CHCHD3: variants seen among roughly 807,000 people sequenced by gnomAD.
CHCHD3 encodes coiled-coil-helix-coiled-coil-helix domain containing 3, also known as MICOS complex subunit MIC19.
In CHCHD3, 20 loss-of-function variants were observed where a neutral mutation model predicts 38.2. That is an observed-to-expected ratio of 0.52 (90% CI 0.37 to 0.76). The LOEUF (loss-of-function observed/expected upper bound fraction) is 0.76. Among genes scored for constraint, CHCHD3 ranks in the 30% least tolerant of loss-of-function variants. The pLI, the probability that CHCHD3 is intolerant of heterozygous loss-of-function variation, is 0.00. For missense variants in CHCHD3, 245 were observed against 279.2 expected (o/e 0.88, Z 0.87); for synonymous variants, 82 against 100.0 (o/e 0.82, Z 1.07).
intron 3 of CHCHD3, among the ~76,000 whole-genome samples, chr7:133,006,120 A>G (rs528037058): frequency 2.6e-5 from 4 of 152,306 alleles, no homozygotes; most frequent in African/African-American, 9.6e-5. Context: ...AAACTCCCAT[A>G]GTACTAACAC....
intron 3 of CHCHD3, among the ~76,000 whole-genome samples, chr7:132,986,445 TACA>T: frequency 7.9e-6 from 1 of 127,042 alleles, no homozygotes; most frequent in African/African-American, 2.9e-5. Context: ...AAAAAGAAAA[TACA>T]ACTTCTATAT....
intron 6 of CHCHD3, chr7:132,815,593 A>T (rs1406224006): frequency 2.2e-6 from 1 of 456,534 alleles, no homozygotes; most frequent in Non-Finnish European, 4.4e-6. Context: ...TAACAAAATA[A>T]AGAGTCCTGT....
At chr7:132,939,663 G>A (rs528855218) in intron 4 of CHCHD3, among the ~76,000 whole-genome samples, 1 of 152,270 alleles carries the variant, frequency 6.6e-6, no homozygotes, top group African/African-American at 2.4e-5. Flanking sequence ...TAAACATTAA[G>A]GAGTCCTTTG....
intron 6 of CHCHD3, among the ~76,000 whole-genome samples, chr7:132,831,542 G>A (rs2117084726): frequency 6.6e-6 from 1 of 152,258 alleles, no homozygotes; most frequent in Admixed American, 6.5e-5. Context: ...CTCAATAAGG[G>A]AGCTGGAGTC....
intron 3 of CHCHD3, among the ~76,000 whole-genome samples, chr7:132,984,273 C>T (rs1408674739): frequency 2.0e-5 from 3 of 151,688 alleles, no homozygotes; most frequent in Admixed American, 6.6e-5. Context: ...CTGTGTTGGC[C>T]GGGCTGGTCT....
chr7:133,058,501 C>T (rs909118848), intron 2 of CHCHD3, among the ~76,000 whole-genome samples: 5 of 152,196 alleles, frequency 3.3e-5, no homozygotes, highest in Middle Eastern at 6.8e-3. Context: ...ATTCAGAATC[C>T]GTAACCTAGC....
At chr7:132,972,517 A>C in intron 4 of CHCHD3, 6 of 877,458 alleles carry the variant, frequency 6.8e-6, no homozygotes, top group Non-Finnish European at 8.2e-6. Flanking sequence ...TTTATTTTCT[A>C]ATCTTGATCC....
intron 4 of CHCHD3, among the ~76,000 whole-genome samples, chr7:132,945,610 C>A (rs1478400420): frequency 2.6e-5 from 4 of 151,754 alleles, no homozygotes; most frequent in African/African-American, 9.7e-5. Flanking sequence ...TGAGAGTAAG[C>A]TGATAAGGTA....
At chr7:132,797,507 C>A (rs1304702339) in intron 6 of CHCHD3, among the ~76,000 whole-genome samples, 1 of 152,182 alleles carries the variant, frequency 6.6e-6, no homozygotes, top group African/African-American at 2.4e-5. Flanking sequence ...AATTTAGCAA[C>A]CTACATTTAC....
chr7:132,834,099 G>A (rs992603218), intron 6 of CHCHD3, among the ~76,000 whole-genome samples: 2 of 152,116 alleles, frequency 1.3e-5, no homozygotes, highest in Non-Finnish European at 2.9e-5. Context: ...ATACAGATAG[G>A]AGCCAGTGAA....
At chr7:132,888,923 T>C (rs1041015812) in intron 4 of CHCHD3, among the ~76,000 whole-genome samples, 2 of 151,936 alleles carry the variant, frequency 1.3e-5, no homozygotes, top group Non-Finnish European at 2.9e-5. Context: ...TATATGGACA[T>C]GGAAAAAAGT....
chr7:132,976,205 C>T (rs1811764474), intron 3 of CHCHD3, among the ~76,000 whole-genome samples: 1 of 132,354 alleles, frequency 7.6e-6, no homozygotes, highest in Non-Finnish European at 1.8e-5. Context: ...CCACGCCTTT[C>T]AACTGCAGGG....
intron 6 of CHCHD3, among the ~76,000 whole-genome samples, chr7:132,801,284 T>C (rs1041720178): frequency 2.6e-5 from 4 of 152,226 alleles, no homozygotes; most frequent in Non-Finnish European, 4.4e-5. Flanking sequence ...GAGTAAAATG[T>C]AGTCTCTAAT....
chr7:132,786,263 C>G (rs973794703), intron 7 of CHCHD3, among the ~76,000 whole-genome samples: 3 of 152,112 alleles, frequency 2.0e-5, no homozygotes, highest in African/African-American at 7.2e-5. Flanking sequence ...AAAGCTATGG[C>G]CAAGGCAGTG....
intron 2 of CHCHD3, among the ~76,000 whole-genome samples, chr7:133,025,689 A>G (rs1813316604): frequency 6.6e-6 from 1 of 152,178 alleles, no homozygotes; most frequent in Non-Finnish European, 1.5e-5. Context: ...TATTTTTAGT[A>G]GAGATGGCGT....
intron 2 of CHCHD3, among the ~76,000 whole-genome samples, chr7:133,031,015 C>A (rs764487442): frequency 2.6e-5 from 4 of 152,164 alleles, no homozygotes; most frequent in Admixed American, 1.3e-4. Context: ...CAAGGGTCTT[C>A]TTTAAGGTTT....
chr7:132,961,245 G>C (rs1811311169), intron 4 of CHCHD3, among the ~76,000 whole-genome samples: 1 of 152,142 alleles, frequency 6.6e-6, no homozygotes, highest in Non-Finnish European at 1.5e-5. Context: ...TTGCACCACT[G>C]TACTCCAGCC....
At chr7:132,952,509 T>A (rs1811056841) in intron 4 of CHCHD3, among the ~76,000 whole-genome samples, 1 of 152,180 alleles carries the variant, frequency 6.6e-6, no homozygotes, top group African/African-American at 2.4e-5. Flanking sequence ...TATGAAAGAA[T>A]CAAATAGTAA....
chr7:132,944,471 G>A (rs1810848188), intron 4 of CHCHD3, among the ~76,000 whole-genome samples: 1 of 147,818 alleles, frequency 6.8e-6, no homozygotes, highest in African/African-American at 2.5e-5. Context: ...ATGGAAAAAT[G>A]GTCAAATATC....
Sources: allele counts gnomAD v4.1 joint callset (sites outside exome capture counted in the v4.1 genomes callset), GRCh38; gene constraint gnomAD v4.1.1; transcripts MANE v1.5; gene names NCBI Gene and HGNC (gene_info 2026-07-23, HGNC 2026-07-21).